Variants in SORCS1 observed in about 807,000 individuals in gnomAD.
SORCS1 encodes the protein sortilin related VPS10 domain containing receptor 1.
Under a neutral mutation model 146.1 loss-of-function variants are expected in SORCS1, and 60 were observed. That is an observed-to-expected ratio of 0.41 (90% CI 0.33 to 0.51). The LOEUF (loss-of-function observed/expected upper bound fraction) is 0.51, where lower values mean the gene tolerates loss of function less well. Among genes scored for constraint, SORCS1 ranks in the 20% least tolerant of loss-of-function variants. SORCS1 has a pLI of 0.21. For synonymous variants in SORCS1, 637 were observed against 584.0 expected (o/e 1.09, Z -1.31); for missense variants, 1,352 against 1,487.6 (o/e 0.91, Z 1.50).
chr10:106,964,109 C>G (rs1033630377), intron 1 of SORCS1, among the ~76,000 whole-genome samples: 7 of 152,128 alleles, frequency 4.6e-5, no homozygotes, highest in African/African-American at 1.4e-4. Context: ...GGAGAAAGCT[C>G]AGAGAGCATT....
At chr10:106,751,315 TACTCAGAGGGCAGGG>T (rs1179196234) in intron 5 of SORCS1, among the ~76,000 whole-genome samples, 3 of 152,128 alleles carry the variant, frequency 2.0e-5, no homozygotes, top group Non-Finnish European at 4.4e-5. Flanking sequence ...TACAGGATTC[TACTCAGAGGGCAGGG>T]GCTCAGAATT....
intron 1 of SORCS1, among the ~76,000 whole-genome samples, chr10:107,157,766 C>T (rs988662866): frequency 1.3e-5 from 2 of 152,116 alleles, no homozygotes; most frequent in East Asian, 1.9e-4. Flanking sequence ...TTACTCCATC[C>T]GTACAATCGG....
In SORCS1 at chr10:106,607,149, T is replaced by C. The variant is rs575850781; in HGVS notation, c.3165+17A>G. 1 of 1,612,362 alleles carries C rather than the reference T, an allele frequency of 6.2e-7. No homozygotes were observed. The highest frequency in any genetic ancestry group is 1.1e-5 in the South Asian group (1 of 90,770). On this transcript the variant is annotated intron_variant, in intron 23 of 25. Transcript: ENST00000263054. ...AACGGTTGAAGCTGAAAACGTCTCCTTTTCCAGGGGACTCACCTGCTCCAG... is the reference window on the plus strand; with the variant it reads ...AACGGTTGAAGCTGAAAACGTCTCCCTTTCCAGGGGACTCACCTGCTCCAG...
chr10:106,589,173 T>G (rs1170175334), intron 24 of SORCS1, among the ~76,000 whole-genome samples: 1 of 152,216 alleles, frequency 6.6e-6, no homozygotes, highest in Non-Finnish European at 1.5e-5. Flanking sequence ...ATTTGCCCAG[T>G]ACATAACTTA....
chr10:107,158,698 T>C (rs1246387905), intron 1 of SORCS1, among the ~76,000 whole-genome samples: 2 of 152,220 alleles, frequency 1.3e-5, no homozygotes, highest in African/African-American at 4.8e-5. Flanking sequence ...AATATCCCTA[T>C]GCCAGTGAAT....
At chr10:106,651,618 C>A (rs551689381) in intron 18 of SORCS1, among the ~76,000 whole-genome samples, 3 of 152,122 alleles carry the variant, frequency 2.0e-5, no homozygotes, top group Admixed American at 2.0e-4. Flanking sequence ...ATTTACAGAG[C>A]TTTACACAAT....
At position 106,671,349 on chromosome 10, in the gene SORCS1, C is replaced by T; in HGVS notation, c.2077G>A (p.Gly693Arg). 6.2e-7 allele frequency: 1 copy of T among 1,614,062 alleles called. No individual in the cohort carries two copies. The highest frequency in any genetic ancestry group is 8.5e-7 in the Non-Finnish European group (1 of 1,179,968). Residue 693 changes from glycine to arginine, a missense_variant, in exon 16 of 26, where the codon GGA becomes AGA. By Grantham distance (125) the Gly-to-Arg change is moderately radical (BLOSUM62 -2). Around this residue, in one of 3 missense-constraint regions of SORCS1, gnomAD observed 648 missense variants for 793.8 expected, o/e 0.82. Transcript: ENST00000263054. Reference protein sequence around the residue: ...LHSQGEACIMGAKRIYKKRKS... With the variant: ...LHSQGEACIMRAKRIYKKRKS... Reference sequence around the variant, plus strand: ...CGCTTCTTATATATCCTTTTTGCTCCCATGATACATGCTTCCCCCTGTAAG... The same window carrying T: ...CGCTTCTTATATATCCTTTTTGCTCTCATGATACATGCTTCCCCCTGTAAG...
the SORCS1 span, among the ~76,000 whole-genome samples, chr10:107,170,011 A>G: frequency 6.6e-6 from 1 of 152,220 alleles, no homozygotes; most frequent in Non-Finnish European, 1.5e-5. Flanking sequence ...TAATATTCAT[A>G]CTTAAAGTGA....
chr10:107,118,578 G>C (rs893257791), intron 1 of SORCS1, among the ~76,000 whole-genome samples: 1 of 152,078 alleles, frequency 6.6e-6, no homozygotes, highest in African/African-American at 2.4e-5. Context: ...AAATCTGTGA[G>C]GGACTTTGCA....
At chr10:106,631,232 A>C (rs774708137) in intron 18 of SORCS1, among the ~76,000 whole-genome samples, 1 of 152,238 alleles carries the variant, frequency 6.6e-6, no homozygotes, top group Non-Finnish European at 1.5e-5. Context: ...CAATAAGTAC[A>C]TAGGCACAAA....
At chr10:106,925,376 G>T (rs1289505367) in intron 2 of SORCS1, among the ~76,000 whole-genome samples, 1 of 152,136 alleles carries the variant, frequency 6.6e-6, no homozygotes, top group Non-Finnish European at 1.5e-5. Context: ...TCCTGGATGG[G>T]ACCCACACTT....
chr10:106,780,497 C>T (rs1015415829), intron 3 of SORCS1, among the ~76,000 whole-genome samples: 1 of 152,216 alleles, frequency 6.6e-6, no homozygotes, highest in Non-Finnish European at 1.5e-5. Context: ...AGGTCATTGT[C>T]TGCCAGGATC....
At chr10:106,699,107 C>T in intron 9 of SORCS1, 107 bp downstream of exon 9, 2 of 939,328 alleles carry the variant, frequency 2.1e-6, no homozygotes, top group Non-Finnish European at 3.0e-6. Flanking sequence ...GAAATGAGGC[C>T]ACATAAGGAA....
intron 5 of SORCS1, among the ~76,000 whole-genome samples, chr10:106,756,140 T>G (rs1161449552): frequency 1.4e-5 from 2 of 144,266 alleles, no homozygotes; most frequent in Non-Finnish European, 3.1e-5. Context: ...AAAAAAAAAA[T>G]AAATAAAATA....
chr10:106,881,994 G>A (rs1350719950), intron 2 of SORCS1, among the ~76,000 whole-genome samples: 1 of 152,154 alleles, frequency 6.6e-6, no homozygotes, highest in African/African-American at 2.4e-5. Context: ...ACCTCTTTCA[G>A]ATGCTCCACG....
At chr10:106,589,848 C>A (rs1461942416) in intron 24 of SORCS1, among the ~76,000 whole-genome samples, 2 of 151,452 alleles carry the variant, frequency 1.3e-5, no homozygotes, top group East Asian at 3.9e-4. Context: ...TTGCCCAAAC[C>A]TATTATTAAA....
At position 106,579,471 on chromosome 10, in the gene SORCS1, G is replaced by C. The variant is rs1844773925; in HGVS notation, c.3269C>G (p.Pro1090Arg). 1.2e-6 allele frequency: 2 copies of C among 1,613,574 alleles called. No individual in the cohort carries two copies. Among genetic ancestry groups the C allele is most frequent in the East Asian group, 4.5e-5 (2 of 44,836 alleles). ...GTGGGTTGGAGTGAGGTCCACCAGGGGGGCTTGTGGGGGAAACAGAGCAGA... is the reference window on the plus strand; with the variant it reads ...GTGGGTTGGAGTGAGGTCCACCAGGCGGGCTTGTGGGGGAAACAGAGCAGA... ...LVHAAHLTAA[P>R]LVDLTPTHSG... The change falls in exon 25 of 26, where the codon CCC becomes CGC. Residue 1090 changes from proline to arginine, a missense_variant. Around this residue, in one of 3 missense-constraint regions of SORCS1, gnomAD observed 214 missense variants for 204.8 expected, o/e 1.05. Transcript: ENST00000263054.
intron 1 of SORCS1, among the ~76,000 whole-genome samples, chr10:107,030,641 A>C (rs894786362): frequency 6.6e-6 from 1 of 152,252 alleles, no homozygotes; most frequent in Non-Finnish European, 1.5e-5. Flanking sequence ...GAAAAAACAC[A>C]GTAGTGGCAA....
chr10:107,138,820 G>A (rs1967558290), intron 1 of SORCS1, among the ~76,000 whole-genome samples: 1 of 152,092 alleles, frequency 6.6e-6, no homozygotes, highest in Non-Finnish European at 1.5e-5. Context: ...GCCTCTACGC[G>A]GTCCATACTT....
Sources: allele counts gnomAD v4.1 joint callset (sites outside exome capture counted in the v4.1 genomes callset), GRCh38; gene constraint gnomAD v4.1.1; regional missense constraint gnomAD v4.1.1; transcripts MANE v1.5; gene names NCBI Gene and HGNC (gene_info 2026-07-23, HGNC 2026-07-21).